Variants in RGS6 observed in about 807,000 individuals in gnomAD.
The protein encoded by RGS6 is regulator of G-protein signaling 6.
In RGS6, 30 loss-of-function variants were observed where a neutral mutation model predicts 78.5. The observed-to-expected ratio is 0.38, with a 90% CI of 0.29 to 0.52. RGS6 has a LOEUF of 0.52. Among genes scored for constraint, RGS6 ranks in the 20% least tolerant of loss-of-function variants. The pLI is 0.85. For synonymous variants in RGS6, 206 were observed against 206.0 expected (o/e 1.00, Z 0.00); for missense variants, 495 against 609.7 (o/e 0.81, Z 1.98).
intron 2 of RGS6, among the ~76,000 whole-genome samples, chr14:72,217,892 T>G (rs1473297599): frequency 6.6e-6 from 1 of 152,228 alleles, no homozygotes; most frequent in South Asian, 2.1e-4. Flanking sequence ...TATATATGTA[T>G]TCACACACAT....
intron 2 of RGS6, among the ~76,000 whole-genome samples, chr14:71,984,684 T>G (rs1228275772): frequency 6.6e-6 from 1 of 152,092 alleles, no homozygotes; most frequent in Non-Finnish European, 1.5e-5. Context: ...GAAAATATAT[T>G]TTATAACACT....
the RGS6 span, among the ~76,000 whole-genome samples, chr14:72,622,855 C>G: frequency 1.5e-3 from 225 of 152,282 alleles, 1 homozygote; most frequent in African/African-American, 5.2e-3. Context: ...AACCTCACCC[C>G]CTGACTCCTC....
intron 17 of RGS6, chr14:72,540,961 GT>G (rs2097317636): frequency 2.4e-6 from 3 of 1,241,302 alleles, no homozygotes; most frequent in Admixed American, 5.1e-5. Context: ...CTCTACCATG[GT>G]TTGTAGAACA....
intron 2 of RGS6, among the ~76,000 whole-genome samples, chr14:72,251,007 T>C (rs1247928698): frequency 6.6e-6 from 1 of 152,186 alleles, no homozygotes; most frequent in African/African-American, 2.4e-5. Context: ...GCCAGATAGC[T>C]GAAGCTTAAA....
chr14:72,474,771 T>TACTAG, intron 10 of RGS6, 72 bp downstream of exon 10: 2 of 1,222,118 alleles, frequency 1.6e-6, no homozygotes, highest in Non-Finnish European at 2.3e-6. Flanking sequence ...ATTCAAATAG[T>TACTAG]AATTTGCTAC....
intron 2 of RGS6, among the ~76,000 whole-genome samples, chr14:72,335,920 T>C (rs992166352): frequency 2.6e-5 from 4 of 152,146 alleles, no homozygotes; most frequent in African/African-American, 9.7e-5. Flanking sequence ...GCTTTGATAA[T>C]CACCACAGCT....
At chr14:71,872,332 G>A in the RGS6 span, among the ~76,000 whole-genome samples, 1 of 152,180 alleles carries the variant, frequency 6.6e-6, no homozygotes. Flanking sequence ...TCCAGGACTA[G>A]GTTTGCCTGA....
intron 2 of RGS6, among the ~76,000 whole-genome samples, chr14:71,966,897 A>C (rs957676732): frequency 6.6e-6 from 1 of 152,132 alleles, no homozygotes; most frequent in Non-Finnish European, 1.5e-5. Flanking sequence ...AAAACAATAA[A>C]AATATTTTTA....
chr14:72,576,307 A>G, the RGS6 span, among the ~76,000 whole-genome samples: 2 of 152,242 alleles, frequency 1.3e-5, no homozygotes, highest in African/African-American at 4.8e-5. Context: ...TCCCAGCAAC[A>G]AAACAAGATT....
At chr14:71,910,921 G>GT in the RGS6 span, among the ~76,000 whole-genome samples, 12 of 152,090 alleles carry the variant, frequency 7.9e-5, no homozygotes, top group African/African-American at 2.2e-4. Context: ...TGACACCTGA[G>GT]TTTTTTTCCC....
chr14:72,305,730 G>T (rs916799162), intron 2 of RGS6, among the ~76,000 whole-genome samples: 1 of 152,142 alleles, frequency 6.6e-6, no homozygotes, highest in Admixed American at 6.5e-5. Context: ...CAGCAATATT[G>T]AAATTAGACC....
intron 2 of RGS6, among the ~76,000 whole-genome samples, chr14:72,069,010 C>T (rs966701496): frequency 6.6e-6 from 1 of 151,938 alleles, no homozygotes; most frequent in African/African-American, 2.4e-5. Context: ...CTTGGTCTGT[C>T]ACTCAGGCTG....
the RGS6 span, among the ~76,000 whole-genome samples, chr14:72,601,015 A>AGGG: frequency 7.2e-6 from 1 of 138,130 alleles, no homozygotes; most frequent in East Asian, 2.4e-4. Flanking sequence ...GGAGAGGAGG[A>AGGG]GGAGGAGGGG....
At chr14:71,940,555 A>C (rs934041922) in intron 1 of RGS6, among the ~76,000 whole-genome samples, 5 of 152,194 alleles carry the variant, frequency 3.3e-5, no homozygotes, top group Non-Finnish European at 7.3e-5. Context: ...AGAGCTCTAC[A>C]TGAGTCAGAC....
intron 2 of RGS6, among the ~76,000 whole-genome samples, chr14:72,261,988 A>G (rs1400829742): frequency 6.6e-6 from 1 of 152,124 alleles, no homozygotes; most frequent in Non-Finnish European, 1.5e-5. Context: ...AAATCACTGT[A>G]ATTCATGATT....
chr14:72,487,039 T>C (rs1396608548), intron 12 of RGS6, among the ~76,000 whole-genome samples: 1 of 151,508 alleles, frequency 6.6e-6, no homozygotes, highest in Non-Finnish European at 1.5e-5. Context: ...ACCAAGAAGC[T>C]GGGAGAGCAG....
At chr14:72,281,973 A>AT (rs2061662683) in intron 2 of RGS6, among the ~76,000 whole-genome samples, 1 of 152,188 alleles carries the variant, frequency 6.6e-6, no homozygotes, top group Admixed American at 6.5e-5. Flanking sequence ...GGCCATTGGT[A>AT]TTTTTTAAAA....
At chr14:72,412,619 G>A (rs2093504348) in intron 3 of RGS6, among the ~76,000 whole-genome samples, 1 of 152,064 alleles carries the variant, frequency 6.6e-6, no homozygotes, top group Admixed American at 6.6e-5. Context: ...GCTTTTGAAT[G>A]TGTTTGCTCT....
chr14:71,943,746 G>GT (rs951312506), intron 1 of RGS6, among the ~76,000 whole-genome samples: 2 of 152,334 alleles, frequency 1.3e-5, no homozygotes, highest in East Asian at 1.9e-4. Context: ...GCAAGCCCAT[G>GT]TTTTTTCTCT....
Sources: gnomAD v4.1 joint callset for allele counts (sites outside exome capture counted in the v4.1 genomes callset) on GRCh38, gnomAD v4.1.1 for gene constraint, MANE v1.5 for transcripts, NCBI Gene and HGNC (gene_info 2026-07-23, HGNC 2026-07-21) for gene names.